Variants in TBCEL observed in about 807,000 individuals in gnomAD.
The protein encoded by TBCEL is tubulin folding cofactor E like, also known as tubulin-specific chaperone cofactor E-like protein.
TBCEL carries 15 observed loss-of-function variants against 44.2 expected under a neutral mutation model. The observed-to-expected ratio is 0.34, with a 90% CI of 0.23 to 0.52. The LOEUF is 0.52. Among genes scored for constraint, TBCEL ranks in the 20% least tolerant of loss-of-function variants. The pLI is 0.95. For synonymous variants in TBCEL, 171 were observed against 185.4 expected, an observed-to-expected ratio of 0.92 and a Z score of 0.63; for missense variants, 319 against 506.3, an observed-to-expected ratio of 0.63 and a Z score of 3.55.
At chr11:121,067,441 T>C (rs916457592) in intron 8 of TBCEL, among the ~76,000 whole-genome samples, 3 of 152,246 alleles carry the variant, frequency 2.0e-5, no homozygotes, top group African/African-American at 7.2e-5. Context: ...TTCTGATAGG[T>C]AGAGCTGGAA....
Position 121,074,473 on chromosome 11 carries a change from A to G in TBCEL, c.957-12305A>G, listed in dbSNP as rs113996570. ...AGGGTCTTTGTGATTTTAAAAATGT[A>G]CTATATCAATATTCATCTTTTTATT... On this transcript the variant is annotated intron_variant, in intron 8 of 8. Transcript: ENST00000683345. Among the ~76,000 whole-genome samples the G allele has an allele frequency of 2.5e-3, 384 of 152,134 alleles. 2 individuals carry two copies. Among genetic ancestry groups the G allele is most frequent in the African/African-American group, 8.9e-3 (370 of 41,562 alleles).
At chr11:121,032,711 A>G (rs1459499302) in intron 1 of TBCEL, among the ~76,000 whole-genome samples, 1 of 152,210 alleles carries the variant, frequency 6.6e-6, no homozygotes, top group Non-Finnish European at 1.5e-5. Flanking sequence ...GCACAAAAAT[A>G]TGAAAAGCAT....
intron 8 of TBCEL, among the ~76,000 whole-genome samples, chr11:121,065,335 G>GTC (rs2134976247): frequency 6.6e-6 from 1 of 152,238 alleles, no homozygotes; most frequent in East Asian, 1.9e-4. Context: ...ATTTGCCAGG[G>GTC]GAAGAGGGGC....
rs1254456182 is a variant in TBCEL, at chr11:121,089,392, T to C, written c.*2296T>C. The C allele has an allele frequency of 6.6e-6, 1 of 152,216 alleles. No homozygotes were observed. Among genetic ancestry groups the C allele is most frequent in the African/African-American group, 2.4e-5 (1 of 41,450 alleles). The allele number at this position is 152,216 out of a possible 1,614,324, so 9.4% of individuals were successfully genotyped here. On this transcript the variant is annotated 3_prime_UTR_variant, in exon 9 of 9. Coordinates refer to ENST00000683345, the MANE Select transcript of TBCEL (RefSeq NM_001363644.2). Reference sequence around the variant, plus strand: ...AGTTGCATGTAAAGGGAGCTTCTCATTTAATTCAGCGGATGTGGGTATTTT... The same window carrying C: ...AGTTGCATGTAAAGGGAGCTTCTCACTTAATTCAGCGGATGTGGGTATTTT...
At chr11:121,059,245 T>C (rs1027582189) in intron 7 of TBCEL, among the ~76,000 whole-genome samples, 6 of 152,022 alleles carry the variant, frequency 3.9e-5, no homozygotes, top group Non-Finnish European at 8.8e-5. Flanking sequence ...CACATTAATA[T>C]CTTTCTGAAG....
At chr11:121,084,443 CT>C (rs957330439) in intron 8 of TBCEL, among the ~76,000 whole-genome samples, 2 of 151,916 alleles carry the variant, frequency 1.3e-5, no homozygotes, top group African/African-American at 2.4e-5. Context: ...GTTGTGTTTT[CT>C]TTCAAATTGA....
intron 2 of TBCEL, among the ~76,000 whole-genome samples, chr11:121,038,674 T>C (rs1945277281): frequency 6.6e-6 from 1 of 152,128 alleles, no homozygotes; most frequent in East Asian, 1.9e-4. Context: ...TTTCCTCCTA[T>C]GGCTTTGTTT....
chr11:121,058,547 T>TG, intron 7 of TBCEL, 76 bp downstream of exon 7: 1 of 1,544,038 alleles, frequency 6.5e-7, no homozygotes, highest in Non-Finnish European at 8.9e-7. Context: ...CACTGTTTAG[T>TG]GGGAGTGCAC....
chr11:121,074,554 C>T (rs1945999516), intron 8 of TBCEL, among the ~76,000 whole-genome samples: 1 of 151,952 alleles, frequency 6.6e-6, no homozygotes. Context: ...CTGCTAATGA[C>T]TATCTTTTAG....
Position 121,055,004 on chromosome 11 carries a change from G to A in TBCEL, c.456-48G>A, listed in dbSNP as rs1945594895. On this transcript the variant is annotated intron_variant, in intron 5 of 8. Transcript: ENST00000683345. ...AATGAATGAAAATAGGTGTAAAGTA[G>A]AAATTAAACTGCTTTAAACAATGAA... 3 of 1,399,348 alleles carry A rather than the reference G, an allele frequency of 2.1e-6. No individual in the cohort carries two copies. In the East Asian group the frequency reaches 7.5e-5, roughly 35 times the overall value. The allele number at this position is 1,399,348 out of a possible 1,614,324, so 86.7% of individuals were successfully genotyped here.
At chr11:121,076,955 A>G (rs1311970294) in intron 8 of TBCEL, among the ~76,000 whole-genome samples, 3 of 152,076 alleles carry the variant, frequency 2.0e-5, no homozygotes, top group Non-Finnish European at 2.9e-5. Flanking sequence ...AGTGAATTAT[A>G]TTAATTGCAC....
intron 8 of TBCEL, among the ~76,000 whole-genome samples, chr11:121,066,943 A>C (rs922673122): frequency 6.6e-6 from 1 of 152,150 alleles, no homozygotes; most frequent in African/African-American, 2.4e-5. Flanking sequence ...CATTTAATGA[A>C]ATTTTTTTAA....
At chr11:121,081,509 G>A (rs1167353336) in intron 8 of TBCEL, among the ~76,000 whole-genome samples, 8 of 152,158 alleles carry the variant, frequency 5.3e-5, no homozygotes, top group Non-Finnish European at 7.4e-5. Context: ...ATTAATTTCA[G>A]AGAATGCTTA....
At chr11:121,084,597 A>T (rs572595475) in intron 8 of TBCEL, among the ~76,000 whole-genome samples, 1 of 152,206 alleles carries the variant, frequency 6.6e-6, no homozygotes, top group South Asian at 2.1e-4. Context: ...CTTTGTTGAA[A>T]TGTAGTATGA....
chr11:121,060,572 A>C (rs192179670), intron 8 of TBCEL, among the ~76,000 whole-genome samples: 91 of 152,160 alleles, frequency 6.0e-4, no homozygotes, highest in Non-Finnish European at 1.0e-3. Flanking sequence ...AGTATGGTGA[A>C]TATAAAGAGA....
intron 8 of TBCEL, among the ~76,000 whole-genome samples, chr11:121,069,568 A>T (rs1355018723): frequency 6.6e-6 from 1 of 152,164 alleles, no homozygotes. Flanking sequence ...AGGTGGGTGG[A>T]TCACTTGAAG....
chr11:121,043,903 T>C (rs1421717937), intron 2 of TBCEL, among the ~76,000 whole-genome samples: 1 of 152,104 alleles, frequency 6.6e-6, no homozygotes, highest in African/African-American at 2.4e-5. Flanking sequence ...CAACTCCAGA[T>C]TGTTTCCCTG....
At chr11:121,084,949 G>A (rs542438239) in intron 8 of TBCEL, among the ~76,000 whole-genome samples, 51 of 151,440 alleles carry the variant, frequency 3.4e-4, no homozygotes, top group African/African-American at 1.2e-3. Flanking sequence ...TGTTTTATTT[G>A]CCTTTGCTAA....
At chr11:121,066,600 AG>A (rs1489254220) in intron 8 of TBCEL, among the ~76,000 whole-genome samples, 4 of 152,248 alleles carry the variant, frequency 2.6e-5, no homozygotes, top group Admixed American at 2.0e-4. Context: ...GCAGTATGCC[AG>A]GAACTGTTAG....
Sources: gnomAD v4.1 joint callset for allele counts (sites outside exome capture counted in the v4.1 genomes callset) on GRCh38, gnomAD v4.1.1 for gene constraint, MANE v1.5 for transcripts, NCBI Gene and HGNC (gene_info 2026-07-23, HGNC 2026-07-21) for gene names.